The following GRID2 variants were observed in gnomAD, a reference collection of about 807,000 sequenced individuals.
GRID2 encodes glutamate receptor ionotropic, delta-2.
Under a neutral mutation model 114.8 loss-of-function variants are expected in GRID2, and 33 were observed. The ratio of observed to expected loss-of-function variants is 0.29; its 90% confidence interval spans 0.22 to 0.38. GRID2 has a LOEUF of 0.38. Ranked by LOEUF, GRID2 falls within the 10% of genes least tolerant of loss-of-function variation. GRID2 has a pLI of 1.00. For missense variants in GRID2, 1,184 were observed against 1,257.7 expected (o/e 0.94, Z 0.89); for synonymous variants, 505 against 449.9 (o/e 1.12, Z -1.55).
chr4:92,498,139 G>A (rs976694263), intron 1 of GRID2, among the ~76,000 whole-genome samples: 3 of 151,768 alleles, frequency 2.0e-5, no homozygotes, highest in Non-Finnish European at 4.4e-5. Context: ...AAAAAATGGA[G>A]AGAGGAGGAG....
At chr4:93,479,190 A>G (rs1481808797) in intron 11 of GRID2, among the ~76,000 whole-genome samples, 1 of 152,094 alleles carries the variant, frequency 6.6e-6, no homozygotes, top group Non-Finnish European at 1.5e-5. Flanking sequence ...AGCAATATAC[A>G]TACCTTCATT....
At chr4:93,740,982 G>A (rs1373235843) in intron 14 of GRID2, among the ~76,000 whole-genome samples, 1 of 150,732 alleles carries the variant, frequency 6.6e-6, no homozygotes, top group Non-Finnish European at 1.5e-5. Context: ...ACATTTGAAA[G>A]CAATAAAGAG....
chr4:92,661,550 T>A (rs1732520407), intron 2 of GRID2, among the ~76,000 whole-genome samples: 2 of 151,034 alleles, frequency 1.3e-5, no homozygotes, highest in South Asian at 4.1e-4. Flanking sequence ...AAATGAAAAT[T>A]ATATAAATAT....
At chr4:92,612,160 G>A (rs1159561515) in intron 2 of GRID2, among the ~76,000 whole-genome samples, 1 of 151,350 alleles carries the variant, frequency 6.6e-6, no homozygotes, top group East Asian at 1.9e-4. Context: ...AGTATGGTAT[G>A]AGGCACTGTT....
At chr4:93,308,500 G>C (rs1755674627) in intron 8 of GRID2, among the ~76,000 whole-genome samples, 1 of 152,098 alleles carries the variant, frequency 6.6e-6, no homozygotes, top group East Asian at 1.9e-4. Flanking sequence ...TGTAAACTCA[G>C]TCGAAGTGAG....
At chr4:92,317,740 T>C (rs1000656776) in intron 1 of GRID2, among the ~76,000 whole-genome samples, 8 of 152,172 alleles carry the variant, frequency 5.3e-5, no homozygotes, top group African/African-American at 1.7e-4. Flanking sequence ...GAACTTGCTC[T>C]TGGCTGCTGA....
intron 1 of GRID2, among the ~76,000 whole-genome samples, chr4:92,422,891 C>G (rs957985354): frequency 6.6e-6 from 1 of 152,258 alleles, no homozygotes; most frequent in East Asian, 1.9e-4. Flanking sequence ...AAGTTCCCCC[C>G]AAAGTTAGTT....
intron 2 of GRID2, among the ~76,000 whole-genome samples, chr4:92,710,647 A>G (rs1193061896): frequency 6.6e-6 from 1 of 152,082 alleles, no homozygotes; most frequent in Non-Finnish European, 1.5e-5. Context: ...CCAATGTTTT[A>G]TTACTCTTTA....
At chr4:92,503,029 A>T (rs891892628) in intron 1 of GRID2, among the ~76,000 whole-genome samples, 2 of 152,054 alleles carry the variant, frequency 1.3e-5, no homozygotes, top group African/African-American at 2.4e-5. Flanking sequence ...AAGATAAAAA[A>T]TTAAGGTTTC....
At chr4:93,408,881 A>G (rs964661633) in intron 9 of GRID2, among the ~76,000 whole-genome samples, 1 of 152,176 alleles carries the variant, frequency 6.6e-6, no homozygotes, top group Non-Finnish European at 1.5e-5. Context: ...GCTTCATAAT[A>G]AAATCAAAAG....
chr4:93,493,329 T>G (rs563118175), intron 12 of GRID2, among the ~76,000 whole-genome samples: 1 of 151,974 alleles, frequency 6.6e-6, no homozygotes. Context: ...GAATTTATAA[T>G]GAACCAGAAG....
intron 2 of GRID2, among the ~76,000 whole-genome samples, chr4:93,078,028 A>G (rs139690623): frequency 2.3e-3 from 347 of 152,178 alleles, no homozygotes; most frequent in Non-Finnish European, 3.4e-3. Flanking sequence ...GACAAACTCC[A>G]TCATAGGTCA....
intron 13 of GRID2, among the ~76,000 whole-genome samples, chr4:93,593,299 C>A (rs953206638): frequency 1.4e-5 from 2 of 143,076 alleles, no homozygotes; most frequent in African/African-American, 2.6e-5. Context: ...TATTTTATTT[C>A]TCCTTCACTT....
chr4:93,736,076 A>C (rs2110238382), intron 14 of GRID2, among the ~76,000 whole-genome samples: 1 of 152,146 alleles, frequency 6.6e-6, no homozygotes, highest in Admixed American at 6.6e-5. Context: ...ACGAACAACA[A>C]AAAAGGTGAA....
At chr4:93,418,056 G>A (rs1767897856) in intron 9 of GRID2, among the ~76,000 whole-genome samples, 1 of 150,522 alleles carries the variant, frequency 6.6e-6, no homozygotes, top group Admixed American at 6.7e-5. Flanking sequence ...ATATTAACTT[G>A]TATATAAGTA....
rs560808494 is a variant in GRID2, at chr4:93,054,385, G to A, written c.245-30610G>A. ...AAAGAAAAAAAAAACTAGCACAGTA[G>A]GAAATAAGTTTAAGGGATTATTTTG... is the stretch of plus-strand genomic sequence containing the variant. On this transcript the variant is annotated intron_variant, in intron 2 of 15. Transcript: ENST00000282020. Among the ~76,000 whole-genome samples, 109 of 151,784 alleles carry A rather than the reference G, an allele frequency of 7.2e-4. 1 individual carries two copies. Among genetic ancestry groups the A allele is most frequent in the Non-Finnish European group, 1.1e-3 (76 of 67,834 alleles).
chr4:92,348,007 G>A (rs1399307333), intron 1 of GRID2, among the ~76,000 whole-genome samples: 1 of 152,172 alleles, frequency 6.6e-6, no homozygotes, highest in Non-Finnish European at 1.5e-5. Context: ...CAAGGCAGGA[G>A]TACAGTGGCA....
intron 13 of GRID2, among the ~76,000 whole-genome samples, chr4:93,528,189 T>C (rs913906564): frequency 2.6e-5 from 4 of 151,922 alleles, no homozygotes; most frequent in Non-Finnish European, 5.9e-5. Flanking sequence ...CACACACACA[T>C]ATATATCCTG....
chr4:92,511,269 A>G (rs1724231703), intron 1 of GRID2, among the ~76,000 whole-genome samples: 1 of 151,714 alleles, frequency 6.6e-6, no homozygotes, highest in African/African-American at 2.4e-5. Flanking sequence ...TTCTAAGCCC[A>G]CTTTAACAAC....
Sources: allele counts gnomAD v4.1 joint callset (sites outside exome capture counted in the v4.1 genomes callset), GRCh38; gene constraint gnomAD v4.1.1; transcripts MANE v1.5; gene names NCBI Gene and HGNC (gene_info 2026-07-23, HGNC 2026-07-21).